The following FPR3 variants were observed in gnomAD, a reference collection of about 807,000 sequenced individuals.
FPR3 encodes formyl peptide receptor 3, also known as N-formyl peptide receptor 3.
For missense variants in FPR3, 346 were observed against 443.2 expected (o/e 0.78, Z 1.97); for synonymous variants, 135 against 163.6 (o/e 0.83, Z 1.34).
intron 1 of FPR3, among the ~76,000 whole-genome samples, chr19:51,816,541 C>G (rs893836350): frequency 6.6e-6 from 1 of 152,186 alleles, no homozygotes; most frequent in African/African-American, 2.4e-5. Context: ...AACCACCATG[C>G]CTGGCCTAAG....
intron 1 of FPR3, among the ~76,000 whole-genome samples, chr19:51,813,020 G>A (rs1401544878): frequency 6.6e-6 from 1 of 151,904 alleles, no homozygotes; most frequent in Non-Finnish European, 1.5e-5. Flanking sequence ...TGGGGAGGCT[G>A]AGGTAAGGGA....
At chr19:51,808,871 C>G (rs1467276444) in intron 1 of FPR3, among the ~76,000 whole-genome samples, 1 of 152,192 alleles carries the variant, frequency 6.6e-6, no homozygotes, top group Non-Finnish European at 1.5e-5. Flanking sequence ...TGTTCTTTTA[C>G]TAGCTGCTGA....
chr19:51,826,095 T>TA lies in FPR3; in HGVS notation c.*1286dup, dbSNP rs1324448779. ...TCTGTAAATATTAACGTGATCATATTATTTTTATTCTTTCATTTACATAAT... is the reference window on the plus strand; with the variant it reads ...TCTGTAAATATTAACGTGATCATATTAATTTTTATTCTTTCATTTACATAAT... On this transcript the variant is annotated 3_prime_UTR_variant, in exon 2 of 2. Coordinates refer to ENST00000339223, the MANE Select transcript of FPR3 (RefSeq NM_002030.5). 1 of 156,568 alleles carries TA rather than the reference T, an allele frequency of 6.4e-6. No individual in the cohort carries two copies. Among genetic ancestry groups the TA allele is most frequent in the Non-Finnish European group, 1.5e-5 (1 of 68,066 alleles). 9.7% of individuals were successfully genotyped at this position (156,568 alleles called of 1,614,324 possible).
intron 1 of FPR3, among the ~76,000 whole-genome samples, chr19:51,798,289 G>A (rs887333602): frequency 3.3e-5 from 5 of 152,064 alleles, no homozygotes; most frequent in Non-Finnish European, 5.9e-5. Context: ...ACTCCTGAAT[G>A]GGGAGTTGCT....
At chr19:51,822,864 T>C (rs1238357561) in intron 1 of FPR3, among the ~76,000 whole-genome samples, 3 of 151,746 alleles carry the variant, frequency 2.0e-5, no homozygotes, top group Non-Finnish European at 4.4e-5. Flanking sequence ...ATATTTCTGC[T>C]CTTTTTTTTT....
In FPR3 at chr19:51,823,952, C is replaced by A; in HGVS notation, c.204C>A (p.Ala68=). The change falls in exon 2 of 2, where the codon GCC becomes GCA. Residue 68 remains alanine, a synonymous_variant. Transcript: ENST00000339223. ...ACACCATCTGTTACCTGAACCTGGC[C>A]CTAGCTGACTTCTCTTTCAGTGCCA... ...TVNTICYLNL[A]LADFSFSAIL... is the part of the protein sequence containing the mutation. The A allele has an allele frequency of 6.2e-7, 1 of 1,614,026 alleles. No individual in the cohort carries two copies. Among genetic ancestry groups the A allele is most frequent in the Non-Finnish European group, 8.5e-7 (1 of 1,179,960 alleles).
At chr19:51,804,519 T>C (rs1437141214) in intron 1 of FPR3, among the ~76,000 whole-genome samples, 1 of 152,208 alleles carries the variant, frequency 6.6e-6, no homozygotes. Context: ...TCAAAATTCA[T>C]ATATTAATTT....
At chr19:51,797,874 A>ATTTTT (rs1161472789) in intron 1 of FPR3, among the ~76,000 whole-genome samples, 9 of 35,716 alleles carry the variant, frequency 2.5e-4, no homozygotes, top group South Asian at 9.1e-4. Context: ...TTCCATGTCT[A>ATTTTT]TTCTTTTTTT....
At chr19:51,819,492 A>T (rs1017578666) in intron 1 of FPR3, among the ~76,000 whole-genome samples, 1 of 128,852 alleles carries the variant, frequency 7.8e-6, no homozygotes, top group Non-Finnish European at 1.8e-5. Flanking sequence ...TCATCTTATG[A>T]TATGGAAAAA....
intron 1 of FPR3, among the ~76,000 whole-genome samples, chr19:51,804,393 A>G (rs931127504): frequency 6.6e-6 from 1 of 152,234 alleles, no homozygotes; most frequent in African/African-American, 2.4e-5. Flanking sequence ...TAAATACATC[A>G]TATGTATATA....
At chr19:51,796,014 G>A (rs970192208) in intron 1 of FPR3, among the ~76,000 whole-genome samples, 3 of 152,140 alleles carry the variant, frequency 2.0e-5, no homozygotes, top group Non-Finnish European at 4.4e-5. Flanking sequence ...TGGAGCTTAC[G>A]TACTAGTGTG....
chr19:51,820,785 T>C (rs1467804198), intron 1 of FPR3, among the ~76,000 whole-genome samples: 1 of 152,204 alleles, frequency 6.6e-6, no homozygotes, highest in Non-Finnish European at 1.5e-5. Context: ...AAATAATTAA[T>C]GTAACCAATA....
chr19:51,800,651 C>A (rs893845638), intron 1 of FPR3, among the ~76,000 whole-genome samples: 1 of 152,190 alleles, frequency 6.6e-6, no homozygotes, highest in African/African-American at 2.4e-5. Flanking sequence ...GGATGTTTCT[C>A]ATGGCCCGAA....
intron 1 of FPR3, among the ~76,000 whole-genome samples, chr19:51,798,459 A>C (rs1196703500): frequency 6.6e-6 from 1 of 152,234 alleles, no homozygotes; most frequent in Non-Finnish European, 1.5e-5. Flanking sequence ...GACCTCAGTG[A>C]AAGTGACTGA....
intron 1 of FPR3, among the ~76,000 whole-genome samples, chr19:51,802,152 C>T (rs981547848): frequency 3.3e-5 from 5 of 151,830 alleles, no homozygotes; most frequent in Non-Finnish European, 5.9e-5. Flanking sequence ...GCGTGATTAT[C>T]GACACCACAT....
At chr19:51,815,321 G>A (rs565292722) in intron 1 of FPR3, among the ~76,000 whole-genome samples, 2 of 152,116 alleles carry the variant, frequency 1.3e-5, no homozygotes, top group African/African-American at 4.8e-5. Flanking sequence ...CAGCACTCTC[G>A]AAGGCCGAGG....
intron 1 of FPR3, among the ~76,000 whole-genome samples, chr19:51,821,236 G>T (rs1290962683): frequency 6.6e-6 from 1 of 152,218 alleles, no homozygotes; most frequent in Non-Finnish European, 1.5e-5. Flanking sequence ...CACTGACCAA[G>T]AACCCATATT....
chr19:51,795,609 G>A (rs1430138169), intron 1 of FPR3, among the ~76,000 whole-genome samples: 1 of 137,996 alleles, frequency 7.2e-6, no homozygotes, highest in Non-Finnish European at 1.5e-5. Flanking sequence ...TGCCTCCCAG[G>A]TTCAAGCGAT....
chr19:51,808,491 C>T (rs891224272), intron 1 of FPR3, among the ~76,000 whole-genome samples: 1 of 152,106 alleles, frequency 6.6e-6, no homozygotes, highest in African/African-American at 2.4e-5. Flanking sequence ...AAACATATTC[C>T]GAGGCTTCTT....
Sources: gnomAD v4.1 joint callset for allele counts (sites outside exome capture counted in the v4.1 genomes callset) on GRCh38, gnomAD v4.1.1 for gene constraint, MANE v1.5 for transcripts, NCBI Gene and HGNC (gene_info 2026-07-23, HGNC 2026-07-21) for gene names.